The following PRKN variants were observed in gnomAD, a reference collection of about 807,000 sequenced individuals.
The protein encoded by PRKN is E3 ubiquitin-protein ligase parkin.
PRKN carries 56 observed loss-of-function variants against 59.5 expected under a neutral mutation model. That is an observed-to-expected ratio of 0.94 (90% CI 0.76 to 1.18). The LOEUF is 1.18. PRKN is among the 50% of genes most tolerant of loss of function. The probability of loss-of-function intolerance (pLI) is 0.00; values close to 1 mark genes in which losing one functional copy is unlikely to be tolerated. For missense variants in PRKN, 657 were observed against 596.4 expected (o/e 1.10, Z -1.06); for synonymous variants, 250 against 222.1 (o/e 1.13, Z -1.12).
intron 6 of PRKN, among the ~76,000 whole-genome samples, chr6:161,893,620 G>C (rs1053159948): frequency 2.6e-5 from 4 of 152,228 alleles, no homozygotes; most frequent in Admixed American, 1.3e-4. Flanking sequence ...ATATGGACCA[G>C]TCAGTAGTAT....
chr6:162,198,172 A>G (rs1358306112), intron 4 of PRKN, among the ~76,000 whole-genome samples: 1 of 152,180 alleles, frequency 6.6e-6, no homozygotes, highest in Non-Finnish European at 1.5e-5. Context: ...AACAGCATGA[A>G]TTTAAATATC....
chr6:162,025,583 C>CTTGTTTTT (rs1783401313), intron 5 of PRKN, among the ~76,000 whole-genome samples: 1 of 59,006 alleles, frequency 1.7e-5, no homozygotes, highest in Non-Finnish European at 2.8e-5. Context: ...ATCCATGGTG[C>CTTGTTTTT]TTTTTTTTTT....
chr6:162,536,608 G>A (rs564584330), intron 1 of PRKN, among the ~76,000 whole-genome samples: 3 of 151,952 alleles, frequency 2.0e-5, no homozygotes, highest in South Asian at 2.1e-4. Context: ...CATTGCCATC[G>A]ATGCTGTGAT....
At chr6:161,710,216 C>T (rs1376211530) in intron 7 of PRKN, among the ~76,000 whole-genome samples, 1 of 151,892 alleles carries the variant, frequency 6.6e-6, no homozygotes. Flanking sequence ...CCTAGATAAT[C>T]TTATGTCATC....
intron 7 of PRKN, among the ~76,000 whole-genome samples, chr6:161,763,120 T>C (rs558337804): frequency 3.9e-5 from 6 of 152,196 alleles, no homozygotes; most frequent in Non-Finnish European, 8.8e-5. Context: ...AACTTATGTG[T>C]CATTCAGGAG....
rs57747027 is a variant in PRKN at position 161,859,610 on chromosome 6, C to CAAAAAAA, written c.735-73709_735-73703dup. On this transcript the variant is annotated intron_variant, in intron 6 of 11. Transcript: ENST00000366898. ...TGGGTGACAGAGTGAGACTCTCTCTCAAAAAAAAAAAAAAAAAAAGAGAAA... is the reference window on the plus strand; with the variant it reads ...TGGGTGACAGAGTGAGACTCTCTCTCAAAAAAAAAAAAAAAAAAAAAAAAAAGAGAAA... Among the ~76,000 whole-genome samples the CAAAAAAA allele has an allele frequency of 5.4e-4, 49 of 90,200 alleles. 1 individual carries two copies. Among genetic ancestry groups the CAAAAAAA allele is most frequent in the Non-Finnish European group, 7.5e-4 (35 of 46,382 alleles). The allele number at this position is 90,200 out of a possible 152,430, so 59.2% of individuals were successfully genotyped here.
In PRKN at chr6:161,562,614, T is replaced by C. The variant is rs1780498400; in HGVS notation, c.933+6741A>G. ...AAGTCCCGACTTATCTCCTTCTCCA[T>C]GCTTCAGGCATAGCAAATGTGTTCA... On this transcript the variant is annotated intron_variant, in intron 8 of 11. Transcript: ENST00000366898. The surrounding 1 kb of genome is among the most constrained non-coding windows in gnomAD (Gnocchi z 4.3). 6.6e-6 allele frequency among the ~76,000 whole-genome samples: 1 copy of C among 152,210 alleles called. No homozygotes were observed. Among genetic ancestry groups the C allele is most frequent in the South Asian group, 2.1e-4 (1 of 4,836 alleles).
intron 1 of PRKN, among the ~76,000 whole-genome samples, chr6:162,653,354 GTGTC>G (rs1778519636): frequency 6.6e-6 from 1 of 152,052 alleles, no homozygotes; most frequent in Admixed American, 6.6e-5. Context: ...GTCTGTGTGT[GTGTC>G]TCTGTGTGTA....
chr6:161,965,521 A>G (rs190353786), intron 6 of PRKN, among the ~76,000 whole-genome samples: 4 of 152,182 alleles, frequency 2.6e-5, no homozygotes, highest in South Asian at 2.1e-4. Flanking sequence ...CGATGAAAAG[A>G]GTCAAACTCT....
In PRKN at chr6:161,550,440, A is replaced by C. The variant is rs1210313582; in HGVS notation, c.934-1437T>G. 2.0e-5 allele frequency among the ~76,000 whole-genome samples: 3 copies of C among 152,328 alleles called. No homozygotes were observed. Among genetic ancestry groups the C allele is most frequent in the Admixed American group, 2.0e-4 (3 of 15,302 alleles). On this transcript the variant is annotated intron_variant, in intron 8 of 11. Coordinates refer to ENST00000366898, the MANE Select transcript of PRKN (RefSeq NM_004562.3). The surrounding 1 kb of genome is among the most constrained non-coding windows in gnomAD (Gnocchi z 4.0). ...CTGGAGGGCCAGGGTGTAGGCAGGAAGCAGAGAAGCTTATGTCAACATCTA... is the reference window on the plus strand; with the variant it reads ...CTGGAGGGCCAGGGTGTAGGCAGGACGCAGAGAAGCTTATGTCAACATCTA...
intron 7 of PRKN, among the ~76,000 whole-genome samples, chr6:161,743,390 A>T (rs557663937): frequency 5.6e-5 from 8 of 142,280 alleles, no homozygotes; most frequent in South Asian, 2.2e-4. Context: ...CAGCTTTTTT[A>T]TTTATTTATT....
intron 1 of PRKN, among the ~76,000 whole-genome samples, chr6:162,467,671 G>C (rs1393521985): frequency 2.6e-5 from 4 of 151,962 alleles, no homozygotes; most frequent in Admixed American, 1.3e-4. Context: ...CTTGACACAA[G>C]AAAAAACTCA....
intron 2 of PRKN, among the ~76,000 whole-genome samples, chr6:162,408,092 C>G (rs1024754865): frequency 2.6e-5 from 4 of 151,810 alleles, no homozygotes; most frequent in Admixed American, 2.6e-4. Context: ...ATATAAAATT[C>G]CTACTCTCAT....
At chr6:162,371,073 C>A (rs931787431) in intron 2 of PRKN, among the ~76,000 whole-genome samples, 1 of 152,150 alleles carries the variant, frequency 6.6e-6, no homozygotes, top group African/African-American at 2.4e-5. Flanking sequence ...AGAAGGCCAT[C>A]GTGGGAAGGT....
intron 2 of PRKN, among the ~76,000 whole-genome samples, chr6:162,362,234 A>G (rs1158230601): frequency 1.3e-5 from 2 of 152,204 alleles, no homozygotes; most frequent in African/African-American, 4.8e-5. Flanking sequence ...TAATTTATGA[A>G]AAATCAAATC....
intron 7 of PRKN, among the ~76,000 whole-genome samples, chr6:161,774,396 A>G (rs1185107787): frequency 3.1e-4 from 33 of 107,322 alleles, no homozygotes; most frequent in Admixed American, 1.4e-3. Flanking sequence ...ACACACACAC[A>G]CACACACACA....
At chr6:162,494,694 A>G (rs1038649021) in intron 1 of PRKN, among the ~76,000 whole-genome samples, 7 of 152,228 alleles carry the variant, frequency 4.6e-5, no homozygotes, top group Non-Finnish European at 1.0e-4. Flanking sequence ...TAAGGGAGAT[A>G]GTGAATGTAA....
chr6:162,702,115 A>G (rs1478937629), intron 1 of PRKN, among the ~76,000 whole-genome samples: 1 of 152,150 alleles, frequency 6.6e-6, no homozygotes, highest in African/African-American at 2.4e-5. Flanking sequence ...ATTGTTCTAC[A>G]AGATTAAATT....
chr6:162,253,129 C>T (rs940110889), intron 3 of PRKN, among the ~76,000 whole-genome samples: 1 of 152,148 alleles, frequency 6.6e-6, no homozygotes, highest in Non-Finnish European at 1.5e-5. Flanking sequence ...TCTTTCTTCA[C>T]AGAAACAAGA....
Sources: gnomAD v4.1 joint callset for allele counts (sites outside exome capture counted in the v4.1 genomes callset) on GRCh38, gnomAD v4.1.1 for gene constraint, Gnocchi (gnomAD v3.1) non-coding constraint, MANE v1.5 for transcripts, NCBI Gene and HGNC (gene_info 2026-07-23, HGNC 2026-07-21) for gene names.